NEDD4: variants seen among roughly 807,000 people sequenced by gnomAD.
NEDD4 encodes NEDD4 E3 ubiquitin protein ligase.
In NEDD4, 99 loss-of-function variants were observed where a neutral mutation model predicts 144.9. The ratio of observed to expected loss-of-function variants is 0.68; its 90% CI spans 0.58 to 0.81. NEDD4 has a LOEUF of 0.81. NEDD4 is among the 30% of genes least tolerant of loss of function. The probability of loss-of-function intolerance (pLI) is 0.00; values close to 1 mark genes in which losing one functional copy is unlikely to be tolerated. For synonymous variants in NEDD4, 318 were observed against 350.6 expected, an observed-to-expected ratio of 0.91 and a Z score of 1.04; for missense variants, 985 against 1,065.9, an observed-to-expected ratio of 0.92 and a Z score of 1.06.
chr15:55,922,382 G>A (rs1421953188), intron 5 of NEDD4, among the ~76,000 whole-genome samples: 2 of 151,962 alleles, frequency 1.3e-5, no homozygotes, highest in Non-Finnish European at 2.9e-5. Context: ...CTTTTTTGGA[G>A]ACAGAGTTTC....
intron 4 of NEDD4, among the ~76,000 whole-genome samples, chr15:55,950,875 C>T (rs992534963): frequency 2.6e-5 from 4 of 152,140 alleles, no homozygotes; most frequent in Non-Finnish European, 5.9e-5. Context: ...ACAGTAAGTA[C>T]TCTGATATTA....
At position 55,915,578 on chromosome 15, in the gene NEDD4, C is replaced by A. The variant is rs368941612; in HGVS notation, c.291+9068G>T. ...GGGAGGATGGCAAACATGCAGATGT[C>A]CTATGCATGAGCTTAATATACTCTG... On this transcript the variant is annotated intron_variant, in intron 5 of 28. Transcript: ENST00000435532. 6.8e-6 allele frequency: 11 copies of A among 1,613,946 alleles called. No homozygotes were observed. The African/African-American group carries it at 1.1e-4, about 16-fold the overall frequency.
At chr15:55,840,821 A>G in intron 19 of NEDD4, 94 bp from the exon 20 acceptor site, 1 of 1,234,704 alleles carries the variant, frequency 8.1e-7, no homozygotes, top group Non-Finnish European at 1.1e-6. Context: ...GTTGTTTACC[A>G]CTGTTAGAAC....
chr15:55,957,076 T>G (rs2037349842), intron 2 of NEDD4, among the ~76,000 whole-genome samples: 1 of 152,232 alleles, frequency 6.6e-6, no homozygotes, highest in Admixed American at 6.5e-5. Context: ...TTTTAAATTG[T>G]ATTTTCCAAT....
chr15:55,837,901 G>T, intron 23 of NEDD4, 52 bp from the exon 24 acceptor site: 1 of 1,429,806 alleles, frequency 7.0e-7, no homozygotes, highest in Non-Finnish European at 9.8e-7. Context: ...AAATTCTGAG[G>T]CACAATTATT....
intron 2 of NEDD4, among the ~76,000 whole-genome samples, chr15:55,966,182 T>G (rs71476759): frequency 6.6e-6 from 1 of 152,340 alleles, no homozygotes; most frequent in Non-Finnish European, 1.5e-5. Context: ...GTCCAGAGTT[T>G]ATGGTTGTTA....
intron 4 of NEDD4, among the ~76,000 whole-genome samples, chr15:55,950,969 A>G (rs534767350): frequency 3.0e-4 from 46 of 152,334 alleles, no homozygotes; most frequent in African/African-American, 1.0e-3. Context: ...CTTTTATGGT[A>G]AATGAGGCAG....
intron 12 of NEDD4, 57 bp downstream of exon 12, chr15:55,856,073 TA>T: frequency 6.8e-7 from 1 of 1,476,432 alleles, no homozygotes. Context: ...TTCCAAAAAA[TA>T]AAAAGAGATG....
At chr15:55,947,032 C>T (rs1472053960) in intron 4 of NEDD4, among the ~76,000 whole-genome samples, 1 of 152,124 alleles carries the variant, frequency 6.6e-6, no homozygotes, top group Admixed American at 6.5e-5. Context: ...ATTTATAGCA[C>T]TAAATGCCCA....
intron 4 of NEDD4, among the ~76,000 whole-genome samples, chr15:55,933,158 G>C (rs2036815364): frequency 6.6e-6 from 1 of 152,166 alleles, no homozygotes; most frequent in African/African-American, 2.4e-5. Flanking sequence ...AATACCATTT[G>C]ACCCAGCCAT....
intron 4 of NEDD4, among the ~76,000 whole-genome samples, chr15:55,927,017 A>G (rs963991747): frequency 4.6e-4 from 67 of 146,916 alleles, no homozygotes; most frequent in Non-Finnish European, 4.6e-4. Context: ...CAGAGGTTGC[A>G]GTGAACCAAG....
At chr15:55,851,393 G>T (rs1323915847) in intron 13 of NEDD4, among the ~76,000 whole-genome samples, 2 of 151,636 alleles carry the variant, frequency 1.3e-5, no homozygotes, top group East Asian at 3.9e-4. Context: ...TTATCAAGCA[G>T]CACCTCATTC....
rs777790906 is a variant in NEDD4, at chr15:55,915,525, T to C, written c.291+9121A>G. On this transcript the variant is annotated intron_variant, in intron 5 of 28. Transcript: ENST00000435532. ...TGAATGTGGTCTTTCCAATTCTCCA[T>C]TGATATTTATTTGACAATCTACATT... 25 of 1,613,852 alleles carry C rather than the reference T, an allele frequency of 1.5e-5. No individual in the cohort carries two copies. The highest frequency in any genetic ancestry group is 5.3e-5 in the African/African-American group (4 of 74,946).
chr15:55,972,164 C>T (rs548402716), intron 1 of NEDD4, among the ~76,000 whole-genome samples: 41 of 152,164 alleles, frequency 2.7e-4, no homozygotes, highest in Middle Eastern at 6.8e-3. Flanking sequence ...TATTAATAAG[C>T]GATAAGAAAT....
At chr15:55,929,702 A>AT (rs1241755932) in intron 4 of NEDD4, among the ~76,000 whole-genome samples, 1 of 152,160 alleles carries the variant, frequency 6.6e-6, no homozygotes, top group Admixed American at 6.5e-5. Flanking sequence ...ACAACAGATG[A>AT]TTTTTCTGTT....
At chr15:55,830,068 C>A (rs1023133660) in intron 28 of NEDD4, 69 bp from the exon 29 acceptor site, 44 of 1,041,044 alleles carry the variant, frequency 4.2e-5, no homozygotes, top group Non-Finnish European at 6.1e-5. Context: ...GCAAACAGAG[C>A]AATGCTGCTA....
chr15:55,887,720 A>G (rs2035438658), intron 5 of NEDD4, among the ~76,000 whole-genome samples: 1 of 152,152 alleles, frequency 6.6e-6, no homozygotes. Context: ...AAGCATTGAT[A>G]CAAAAATCCT....
Position 55,840,727 on chromosome 15 carries a change from C to T in NEDD4, c.1839G>A (p.Thr613=). 1 of 1,602,076 alleles carries T rather than the reference C, an allele frequency of 6.2e-7. No homozygotes were observed. The change falls in exon 20 of 29, where the codon ACG becomes ACA. Residue 613 remains threonine (T), a splice_region_variant and synonymous_variant. Coordinates refer to ENST00000435532, the MANE Select transcript of NEDD4 (RefSeq NM_006154.4). ...GATTTATCTGTAGGGTATAATTGTC[C>T]CTGTAAAGACAACCCCATTTAAATA... The part of the protein sequence containing the change: ...PYYGLFEYSA[T]DNYTLQINPN...
intron 5 of NEDD4, among the ~76,000 whole-genome samples, chr15:55,909,613 C>T (rs2036206251): frequency 6.6e-6 from 1 of 152,168 alleles, no homozygotes; most frequent in Admixed American, 6.5e-5. Flanking sequence ...CCTGGCCTCA[C>T]CCAGAGACTC....
Sources: gnomAD v4.1 joint callset for allele counts (sites outside exome capture counted in the v4.1 genomes callset) on GRCh38, gnomAD v4.1.1 for gene constraint, MANE v1.5 for transcripts, NCBI Gene and HGNC (gene_info 2026-07-23, HGNC 2026-07-21) for gene names.